The following FKBP3 variants were observed in gnomAD, a reference collection of about 807,000 sequenced individuals.
FKBP3 encodes the protein FKBP prolyl isomerase 3.
Under a neutral mutation model 30.6 loss-of-function variants are expected in FKBP3, and 21 were observed. The observed-to-expected ratio is 0.69, with a 90% CI of 0.49 to 0.99. FKBP3 has a LOEUF of 0.99. Ranked by LOEUF, FKBP3 falls within the 50% of genes least tolerant of loss-of-function variation. The probability of loss-of-function intolerance (pLI) is 0.00; values close to 1 mark genes in which losing one functional copy is unlikely to be tolerated. For missense variants in FKBP3, 283 were observed against 261.6 expected (o/e 1.08, Z -0.56); for synonymous variants, 82 against 91.3 (o/e 0.90, Z 0.58).
intron 1 of FKBP3, 68 bp from the exon 2 acceptor site, chr14:45,130,868 C>T (rs1312872613): frequency 5.8e-6 from 5 of 866,824 alleles, no homozygotes; most frequent in South Asian, 3.2e-5. Flanking sequence ...AATTAGAAAA[C>T]GATCCTTTTA....
intron 6 of FKBP3, among the ~76,000 whole-genome samples, chr14:45,116,813 G>A (rs1282182838): frequency 6.6e-6 from 1 of 152,012 alleles, no homozygotes; most frequent in Non-Finnish European, 1.5e-5. Flanking sequence ...CTGAGATCAC[G>A]CTGCTGCACT....
chr14:45,130,721 T>C lies in FKBP3; in HGVS notation c.188A>G (p.Tyr63Cys), dbSNP rs766648052. 3.1e-6 allele frequency: 5 copies of C among 1,604,172 alleles called. No homozygotes were observed. The highest frequency in any genetic ancestry group is 4.3e-6 in the Non-Finnish European group (5 of 1,174,034). The change falls in exon 2 of 7, where the codon TAT becomes TGT. Residue 63 changes from tyrosine (Y) to cysteine (C), a missense_variant. By Grantham distance (194) the Tyr-to-Cys change is radical. Coordinates refer to ENST00000396062, the MANE Select transcript of FKBP3 (RefSeq NM_002013.4). ...TANKDHLVTA[Y>C]NHLFETKRFK... ...CACCTTAGTTTCAAAAAGATGGTTA[T>C]AGGCTGTAACCAAGTGGTCCTTGTT... is the stretch of plus-strand genomic sequence containing the variant.
intron 5 of FKBP3, among the ~76,000 whole-genome samples, chr14:45,120,200 A>C (rs931205363): frequency 2.0e-5 from 3 of 152,226 alleles, no homozygotes; most frequent in Non-Finnish European, 1.5e-5. Flanking sequence ...AACAATGGGC[A>C]CAATGGGCAG....
At chr14:45,126,737 T>C (rs1885107027) in intron 3 of FKBP3, among the ~76,000 whole-genome samples, 1 of 152,104 alleles carries the variant, frequency 6.6e-6, no homozygotes, top group Non-Finnish European at 1.5e-5. Context: ...GTCCCAGTTA[T>C]TCTGAGTATT....
chr14:45,127,983 A>G (rs1416662185), intron 3 of FKBP3, among the ~76,000 whole-genome samples: 1 of 152,226 alleles, frequency 6.6e-6, no homozygotes, highest in Admixed American at 6.5e-5. Context: ...TAAGCTCAGA[A>G]GAAGGGAATG....
intron 1 of FKBP3, chr14:45,133,410 T>C (rs1440798477): frequency 1.7e-5 from 4 of 231,160 alleles, no homozygotes; most frequent in Middle Eastern, 4.4e-4. Flanking sequence ...GAGGTTGCAG[T>C]GAGCCGAGAT....
chr14:45,126,498 GA>G (rs897588814), intron 3 of FKBP3, among the ~76,000 whole-genome samples: 2 of 149,760 alleles, frequency 1.3e-5, no homozygotes, highest in Non-Finnish European at 3.0e-5. Flanking sequence ...AAAAAACAAA[GA>G]AAAAAAAAGA....
At position 45,121,532 on chromosome 14, in the gene FKBP3, G is replaced by C. The variant is rs764633211; in HGVS notation, c.407C>G (p.Thr136Arg). The C allele has an allele frequency of 2.5e-6, 4 of 1,613,156 alleles. No individual in the cohort carries two copies. In the South Asian group the frequency reaches 4.4e-5, roughly 18 times the overall value. The stretch of plus-strand genomic sequence containing the variant: ...AACAGTCCCATCTTGTAGTGTTCCT[G>C]TATACCAGCAGTGAACAACATCTCC... ...KKGDVVHCWY[T>R]GTLQDGTVFD... The change falls in exon 4 of 7, where the codon ACA becomes AGA. Residue 136 changes from threonine (T) to arginine (R), a missense_variant. By Grantham distance (71) the Thr-to-Arg change is moderately conservative. Coordinates refer to ENST00000396062, the MANE Select transcript of FKBP3 (RefSeq NM_002013.4).
chr14:45,117,749 G>T (rs942962734), intron 6 of FKBP3, among the ~76,000 whole-genome samples: 4 of 152,170 alleles, frequency 2.6e-5, no homozygotes, highest in African/African-American at 9.7e-5. Context: ...AAAACATTAA[G>T]AATTGCTGTT....
chr14:45,130,372 A>G (rs1227358459), intron 2 of FKBP3, among the ~76,000 whole-genome samples: 1 of 152,242 alleles, frequency 6.6e-6, no homozygotes, highest in Admixed American at 6.5e-5. Flanking sequence ...TAATAAAACA[A>G]CAACAAAATA....
chr14:45,125,179 GT>G (rs1885070479), intron 3 of FKBP3, among the ~76,000 whole-genome samples: 1 of 152,256 alleles, frequency 6.6e-6, no homozygotes, highest in Non-Finnish European at 1.5e-5. Context: ...GCCTCCCAAA[GT>G]GTTGGGATTA....
intron 3 of FKBP3, among the ~76,000 whole-genome samples, chr14:45,126,860 G>A (rs1216926970): frequency 2.6e-5 from 4 of 151,936 alleles, no homozygotes; most frequent in Admixed American, 2.6e-4. Context: ...CTATTGCCCA[G>A]GCTGGAGTGC....
chr14:45,130,601 G>A, intron 2 of FKBP3, 98 bp downstream of exon 2: 2 of 673,002 alleles, frequency 3.0e-6, no homozygotes, highest in Non-Finnish European at 4.8e-6. Context: ...AGGTGGAAAA[G>A]CTCCAACACA....
chr14:45,116,421 G>T lies in FKBP3; in HGVS notation c.621-169C>A, dbSNP rs76228253. The T allele has an allele frequency of 8.3e-3, 4,407 of 528,782 alleles. 171 individuals carry two copies. The highest frequency in any genetic ancestry group is 0.076 in the African/African-American group (3,966 of 52,436). 32.8% of individuals were successfully genotyped at this position (528,782 alleles called of 1,614,324 possible). Reference sequence around the variant, plus strand: ...ACTCCTAAATTAGCCACCACTTAATGAAGACTATTAAGTACTCCAAAACAA... The same window carrying T: ...ACTCCTAAATTAGCCACCACTTAATTAAGACTATTAAGTACTCCAAAACAA... On this transcript the variant is annotated intron_variant, in intron 6 of 6. Coordinates refer to ENST00000396062, the MANE Select transcript of FKBP3 (RefSeq NM_002013.4).
intron 3 of FKBP3, 70 bp downstream of exon 3, chr14:45,129,724 C>T: frequency 1.0e-6 from 1 of 977,552 alleles, no homozygotes; most frequent in East Asian, 2.8e-5. Flanking sequence ...GAAGTTAGTG[C>T]AAATAATAAA....
rs537024781 is a variant in FKBP3 at position 45,126,724 on chromosome 14, G to C, written c.318+3070C>G. On this transcript the variant is annotated intron_variant, in intron 3 of 6. Transcript: ENST00000396062. ...GTCTATGCCAGGCAGTGGTATGCCT[G>C]TAGTCCCAGTTATTCTGAGTATTCT... Among the ~76,000 whole-genome samples, 53 of 152,246 alleles carry C rather than the reference G, an allele frequency of 3.5e-4. 1 individual carries two copies. The South Asian group carries it at 9.8e-3, about 28-fold the overall frequency.
At chr14:45,128,718 T>C (rs924531694) in intron 3 of FKBP3, among the ~76,000 whole-genome samples, 13 of 152,340 alleles carry the variant, frequency 8.5e-5, no homozygotes, top group South Asian at 8.3e-4. Context: ...AATAAAATGA[T>C]AGAGTTTAGG....
chr14:45,130,103 C>T (rs1398091167), intron 2 of FKBP3, among the ~76,000 whole-genome samples: 1 of 151,968 alleles, frequency 6.6e-6, no homozygotes, highest in Non-Finnish European at 1.5e-5. Flanking sequence ...AAATGATTAC[C>T]CTCAAACCAG....
At chr14:45,132,564 A>AT (rs568864303) in intron 1 of FKBP3, among the ~76,000 whole-genome samples, 8 of 151,408 alleles carry the variant, frequency 5.3e-5, no homozygotes, top group Admixed American at 1.3e-4. Context: ...GGCCCAGCTA[A>AT]TTTTTTTTGT....
Sources: allele counts gnomAD v4.1 joint callset (sites outside exome capture counted in the v4.1 genomes callset), GRCh38; gene constraint gnomAD v4.1.1; transcripts MANE v1.5; gene names NCBI Gene and HGNC (gene_info 2026-07-23, HGNC 2026-07-21).